Variants in TSPAN9 observed in about 807,000 individuals in gnomAD.
TSPAN9 encodes tetraspanin 9.
Under a neutral mutation model 31.0 loss-of-function variants are expected in TSPAN9, and 16 were observed. The ratio of observed to expected loss-of-function variants is 0.52; its 90% CI spans 0.35 to 0.78. The LOEUF (loss-of-function observed/expected upper bound fraction) is 0.78, where lower values mean the gene tolerates loss of function less well. Among genes scored for constraint, TSPAN9 ranks in the 30% least tolerant of loss-of-function variants. The pLI is 0.01. For synonymous variants in TSPAN9, 145 were observed against 121.6 expected (o/e 1.19, Z -1.27); for missense variants, 272 against 312.5 (o/e 0.87, Z 0.98).
At chr12:3,282,086 T>C in intron 8 of TSPAN9, 1 of 651,552 alleles carries the variant, frequency 1.5e-6, no homozygotes, top group Non-Finnish European at 2.8e-6. Context: ...CCCCGTGGGT[T>C]CCCCCAGTTC....
intron 2 of TSPAN9, among the ~76,000 whole-genome samples, chr12:3,178,447 C>T (rs1025995422): frequency 3.3e-5 from 5 of 152,138 alleles, no homozygotes; most frequent in African/African-American, 1.2e-4. Context: ...TGCACTACCA[C>T]GCCTGGCTAA....
At chr12:3,260,641 T>C (rs1862431479) in intron 3 of TSPAN9, among the ~76,000 whole-genome samples, 1 of 152,218 alleles carries the variant, frequency 6.6e-6, no homozygotes, top group African/African-American at 2.4e-5. Flanking sequence ...AAGAGTTCGC[T>C]GGGGCAAGTC....
chr12:3,106,622 T>A (rs1453629270), intron 2 of TSPAN9, among the ~76,000 whole-genome samples: 2 of 151,944 alleles, frequency 1.3e-5, no homozygotes, highest in Non-Finnish European at 2.9e-5. Flanking sequence ...AATAAAAAAA[T>A]TGGCCACACG....
intron 1 of TSPAN9, among the ~76,000 whole-genome samples, chr12:3,078,032 CA>C (rs962865136): frequency 1.1e-4 from 17 of 152,208 alleles, no homozygotes; most frequent in Admixed American, 3.3e-4. Context: ...AAAAAAGATC[CA>C]AACAAGAAAC....
chr12:3,095,749 A>C (rs1172157469), intron 2 of TSPAN9, among the ~76,000 whole-genome samples: 2 of 151,274 alleles, frequency 1.3e-5, no homozygotes, highest in Non-Finnish European at 3.0e-5. Flanking sequence ...GCGGCCGGGC[A>C]GAGACGCTCC....
At position 3,275,875 on chromosome 12, in the gene TSPAN9, C is replaced by T. The variant is rs115933971; in HGVS notation, c.64-2546C>T. On this transcript the variant is annotated intron_variant, in intron 3 of 8. Coordinates refer to ENST00000011898, the MANE Select transcript of TSPAN9 (RefSeq NM_006675.5). ...CTGTCTCTTGGTTAGTAATACGTGG[C>T]GGTGTCTGTTCCTACCTTTTTCTTC... Among the ~76,000 whole-genome samples the T allele has an allele frequency of 4.4e-3, 667 of 152,366 alleles. 6 individuals are homozygous for T. The highest frequency in any genetic ancestry group is 0.015 in the African/African-American group (614 of 41,594).
chr12:3,249,680 C>T (rs1232090494), intron 3 of TSPAN9, among the ~76,000 whole-genome samples: 2 of 152,192 alleles, frequency 1.3e-5, no homozygotes, highest in African/African-American at 4.8e-5. Context: ...TAGGGCTTCA[C>T]ATATGTTTGG....
chr12:3,177,020 G>A (rs2098356053), intron 2 of TSPAN9, among the ~76,000 whole-genome samples: 1 of 152,264 alleles, frequency 6.6e-6, no homozygotes, highest in Non-Finnish European at 1.5e-5. Context: ...ATGAGCAAGA[G>A]GTGGCCGGGG....
In TSPAN9 at chr12:3,283,122, C is replaced by A; in HGVS notation, c.*6C>A. 1.9e-6 allele frequency: 3 copies of A among 1,607,380 alleles called. No individual in the cohort carries two copies. Among genetic ancestry groups the A allele is most frequent in the Non-Finnish European group, 2.5e-6 (3 of 1,179,886 alleles). ...GTAAGAAGTACGACGCATGAGCGGG[C>A]TGGCCGGGAGTGCCCACCCCGCCCT... On this transcript the variant is annotated 3_prime_UTR_variant, in exon 9 of 9. Coordinates refer to ENST00000011898, the MANE Select transcript of TSPAN9 (RefSeq NM_006675.5).
intron 2 of TSPAN9, among the ~76,000 whole-genome samples, chr12:3,185,305 A>G (rs575814914): frequency 1.6e-4 from 24 of 152,202 alleles, no homozygotes; most frequent in African/African-American, 5.8e-4. Flanking sequence ...TATCTGTCTC[A>G]TGTTGTTAGC....
intron 2 of TSPAN9, among the ~76,000 whole-genome samples, chr12:3,161,496 T>G (rs2098345198): frequency 6.6e-6 from 1 of 152,190 alleles, no homozygotes; most frequent in South Asian, 2.1e-4. Context: ...TTGACATAAA[T>G]AGGATCTTAA....
intron 2 of TSPAN9, among the ~76,000 whole-genome samples, chr12:3,178,645 C>T (rs1448512167): frequency 6.6e-6 from 1 of 152,204 alleles, no homozygotes; most frequent in Admixed American, 6.5e-5. Flanking sequence ...GCTTAGTAGG[C>T]ACTCCATAAA....
Position 3,268,397 on chromosome 12 carries a change from TGTTCCTGCAGCCTGCCCTCCGTGC to T in TSPAN9, c.64-9980_64-9957del, listed in dbSNP as rs1414066772. Among the ~76,000 whole-genome samples, 17 of 45,008 alleles carry T rather than the reference TGTTCCTGCAGCCTGCCCTCCGTGC, an allele frequency of 3.8e-4. 1 individual carries two copies. Among genetic ancestry groups the T allele is most frequent in the East Asian group, 1.0e-3 (1 of 1,000 alleles). 29.5% of individuals were successfully genotyped at this position (45,008 alleles called of 152,430 possible). A position where few individuals can be genotyped will look rare whatever the true frequency, so the allele number is the denominator to read the frequency against. Reference sequence around the variant, plus strand: ...GTGTTCCTGCAGCCTGCCCTCTCTGTGTTCCTGCAGCCTGCCCTCCGTGCGTTCCTGCAGCCTGCCCTCCGTGCG... The same window carrying T: ...GTGTTCCTGCAGCCTGCCCTCTCTGTGTTCCTGCAGCCTGCCCTCCGTGCG... On this transcript the variant is annotated intron_variant, in intron 3 of 8. Coordinates refer to ENST00000011898, the MANE Select transcript of TSPAN9 (RefSeq NM_006675.5).
At chr12:3,212,938 C>T (rs370976554) in intron 3 of TSPAN9, among the ~76,000 whole-genome samples, 91 of 151,992 alleles carry the variant, frequency 6.0e-4, no homozygotes, top group African/African-American at 2.1e-3. Context: ...GATGCCTATC[C>T]GGTGAAGGGA....
rs540923676 is a variant in TSPAN9, at chr12:3,174,777, T to A, written c.-17-26400T>A. Among the ~76,000 whole-genome samples the A allele has an allele frequency of 8.9e-5, 13 of 146,652 alleles. No individual in the cohort carries two copies. The East Asian group carries it at 2.3e-3, about 26-fold the overall frequency. On this transcript the variant is annotated intron_variant, in intron 2 of 8. Coordinates refer to ENST00000011898, the MANE Select transcript of TSPAN9 (RefSeq NM_006675.5). ...TTTTGTATTTTTAGTAGAGACGGGG[T>A]TTCACCGTGTTAGCCAGGATGGTCT...
chr12:3,162,773 A>G (rs1162664428), intron 2 of TSPAN9, among the ~76,000 whole-genome samples: 1 of 152,190 alleles, frequency 6.6e-6, no homozygotes, highest in African/African-American at 2.4e-5. Context: ...GAAACAAGTT[A>G]TGGTTATACC....
At chr12:3,263,466 C>T (rs1239970032) in intron 3 of TSPAN9, among the ~76,000 whole-genome samples, 1 of 152,218 alleles carries the variant, frequency 6.6e-6, no homozygotes, top group Non-Finnish European at 1.5e-5. Context: ...GGCCCTTCTC[C>T]TCCATATGCT....
intron 2 of TSPAN9, among the ~76,000 whole-genome samples, chr12:3,185,655 G>A (rs1040947842): frequency 9.2e-5 from 14 of 152,368 alleles, no homozygotes; most frequent in Admixed American, 2.6e-4. Flanking sequence ...AGCTGGGCCC[G>A]CAGAGCTTAA....
intron 2 of TSPAN9, among the ~76,000 whole-genome samples, chr12:3,133,211 C>T (rs913475275): frequency 1.3e-5 from 2 of 152,144 alleles, no homozygotes; most frequent in African/African-American, 4.8e-5. Flanking sequence ...CCTCCGTGCA[C>T]AGGCCCCACC....
Sources: allele counts gnomAD v4.1 joint callset (sites outside exome capture counted in the v4.1 genomes callset), GRCh38; gene constraint gnomAD v4.1.1; transcripts MANE v1.5; gene names NCBI Gene and HGNC (gene_info 2026-07-23, HGNC 2026-07-21).